SDC3: variants seen among roughly 807,000 people sequenced by gnomAD.
The protein encoded by SDC3 is syndecan-3.
A neutral mutation model predicts 24.4 loss-of-function variants in SDC3; 13 were observed. The observed-to-expected ratio is 0.53, with a 90% CI of 0.35 to 0.85. SDC3 has a LOEUF of 0.85. Ranked by LOEUF, SDC3 falls within the 40% of genes least tolerant of loss-of-function variation. The probability of loss-of-function intolerance (pLI) is 0.01; values close to 1 mark genes in which losing one functional copy is unlikely to be tolerated. For synonymous variants in SDC3, 295 were observed against 260.9 expected, an observed-to-expected ratio of 1.13 and a Z score of -1.26; for missense variants, 571 against 584.5, an observed-to-expected ratio of 0.98 and a Z score of 0.24.
chr1:30,899,650 G>A lies in SDC3; in HGVS notation c.138+8799C>T, dbSNP rs142132714. On this transcript the variant is annotated intron_variant, in intron 1 of 4. Transcript: ENST00000339394. ...CTCCCAAAGTGCTGGGATTACAGGC[G>A]TGAGCTACCTCGCCCAGCCAAAATC... Among the ~76,000 whole-genome samples the A allele has an allele frequency of 1.6e-3, 248 of 152,304 alleles. 1 individual carries two copies. Among genetic ancestry groups the A allele is most frequent in the African/African-American group, 5.6e-3 (234 of 41,558 alleles).
intron 1 of SDC3, among the ~76,000 whole-genome samples, chr1:30,886,181 T>C (rs1639824990): frequency 6.6e-6 from 1 of 151,814 alleles, no homozygotes; most frequent in Admixed American, 6.6e-5. Flanking sequence ...TTCAGGCCTG[T>C]TCCTGCTTCC....
intron 1 of SDC3, among the ~76,000 whole-genome samples, chr1:30,891,405 C>T (rs1331158489): frequency 6.6e-6 from 1 of 152,356 alleles, no homozygotes; most frequent in South Asian, 2.1e-4. Context: ...TGGCAGAGGC[C>T]TGTCTGTCCT....
chr1:30,897,821 A>T (rs1257267891), intron 1 of SDC3, among the ~76,000 whole-genome samples: 2 of 152,156 alleles, frequency 1.3e-5, no homozygotes, highest in African/African-American at 4.8e-5. Context: ...TTACAATGGC[A>T]TCTCCCTCAT....
At chr1:30,903,482 T>TTA (rs1638454719) in intron 1 of SDC3, among the ~76,000 whole-genome samples, 1 of 152,016 alleles carries the variant, frequency 6.6e-6, no homozygotes, top group South Asian at 2.1e-4. Context: ...CCTTCGCAGT[T>TTA]TATAAAGCTC....
chr1:30,883,833 A>C (rs892602793), intron 1 of SDC3, among the ~76,000 whole-genome samples: 1 of 152,114 alleles, frequency 6.6e-6, no homozygotes, highest in African/African-American at 2.4e-5. Flanking sequence ...AAAGACACAC[A>C]GCGACGTAAC....
intron 1 of SDC3, among the ~76,000 whole-genome samples, chr1:30,882,552 C>T (rs1639761606): frequency 6.6e-6 from 1 of 152,102 alleles, no homozygotes; most frequent in Non-Finnish European, 1.5e-5. Context: ...CCAGCCCCCT[C>T]CCTCCCAGGA....
intron 2 of SDC3, chr1:30,878,355 A>G (rs1639683832): frequency 2.7e-6 from 1 of 366,218 alleles, no homozygotes; most frequent in Non-Finnish European, 5.1e-6. Flanking sequence ...TCTGCAGAGA[A>G]AGCCACATAG....
chr1:30,908,987 G>A (rs985760638), upstream of SDC3, among the ~76,000 whole-genome samples: 1 of 151,910 alleles, frequency 6.6e-6, no homozygotes, highest in Non-Finnish European at 1.5e-5. Context: ...CCGATCCCGG[G>A]GCTGGAGGTC....
intron 1 of SDC3, among the ~76,000 whole-genome samples, chr1:30,900,022 T>A (rs544773525): frequency 2.0e-5 from 3 of 152,244 alleles, no homozygotes; most frequent in Non-Finnish European, 2.9e-5. Context: ...GAGTTTCTTA[T>A]GTCTTCCTTT....
At chr1:30,903,853 C>A in intron 1 of SDC3, among the ~76,000 whole-genome samples, 1 of 152,148 alleles carries the variant, frequency 6.6e-6, no homozygotes, top group African/African-American at 2.4e-5. Context: ...CTGGCTCATA[C>A]TAGCTCTGCC....
At chr1:30,893,015 G>A (rs886947902) in intron 1 of SDC3, among the ~76,000 whole-genome samples, 1 of 152,162 alleles carries the variant, frequency 6.6e-6, no homozygotes, top group Non-Finnish European at 1.5e-5. Context: ...CCAGGGAAAG[G>A]CCAGCCCAAC....
intron 1 of SDC3, among the ~76,000 whole-genome samples, chr1:30,883,290 C>T (rs1639772928): frequency 6.6e-6 from 1 of 152,176 alleles, no homozygotes; most frequent in Non-Finnish European, 1.5e-5. Flanking sequence ...AGCCCGGCAC[C>T]CCTGTGCAGC....
At chr1:30,901,046 C>G (rs746498151) in intron 1 of SDC3, among the ~76,000 whole-genome samples, 9 of 152,166 alleles carry the variant, frequency 5.9e-5, no homozygotes, top group Non-Finnish European at 1.3e-4. Flanking sequence ...TCAGATGGGG[C>G]TCCAGGGTAG....
At chr1:30,878,547 CG>C in intron 2 of SDC3, 75 bp downstream of exon 2, 1 of 1,218,204 alleles carries the variant, frequency 8.2e-7, no homozygotes, top group Non-Finnish European at 1.2e-6. Flanking sequence ...GCAAGCCCCC[CG>C]TGGGCTTCTC....
intron 1 of SDC3, among the ~76,000 whole-genome samples, chr1:30,887,858 G>A (rs1382093059): frequency 4.6e-5 from 7 of 152,182 alleles, no homozygotes; most frequent in Admixed American, 1.3e-4. Flanking sequence ...GGCAGGCCCT[G>A]CTCTTCTCTG....
rs1243875959 is a variant in SDC3, at chr1:30,871,821, A to G, written c.*1390T>C. The G allele has an allele frequency of 1.3e-5, 2 of 152,314 alleles. No homozygotes were observed. The highest frequency in any genetic ancestry group is 1.3e-4 in the Admixed American group (2 of 15,290). The allele number at this position is 152,314 out of a possible 1,614,324, so 9.4% of individuals were successfully genotyped here. ...GTCCTGGGAGACCCAAGACCCCCCA[A>G]CAACCTGGGGCCAAATTTCCTTCCT... is the stretch of plus-strand genomic sequence containing the variant. On this transcript the variant is annotated 3_prime_UTR_variant, in exon 5 of 5. Transcript: ENST00000339394.
In SDC3 at chr1:30,874,423, G is replaced by A; in HGVS notation, c.1036C>T (p.Pro346Ser). The change falls in exon 4 of 5, where the codon CCA becomes TCA. Residue 346 changes from proline (P) to serine (S), a missense_variant. Physicochemically the swap from Pro to Ser is moderately conservative, Grantham distance 74. Transcript: ENST00000339394. ...VGGAAAKASS[P>S]PGTLPKGARP... ...GCACCCTTGGGCAGTGTCCCAGGTG[G>A]AGATGATGCCTTGGCCGCAGCCCCT... The A allele has an allele frequency of 6.2e-7, 1 of 1,614,222 alleles. No homozygotes were observed. Among genetic ancestry groups the A allele is most frequent in the Non-Finnish European group, 8.5e-7 (1 of 1,180,030 alleles).
At chr1:30,899,763 G>A (rs1638374518) in intron 1 of SDC3, among the ~76,000 whole-genome samples, 2 of 151,924 alleles carry the variant, frequency 1.3e-5, no homozygotes, top group South Asian at 2.1e-4. Context: ...TTCCCCCCTC[G>A]AGACCTCACA....
intron 1 of SDC3, among the ~76,000 whole-genome samples, chr1:30,887,142 C>T (rs543974094): frequency 1.3e-5 from 2 of 152,086 alleles, no homozygotes; most frequent in African/African-American, 4.8e-5. Flanking sequence ...GAGGACAAGG[C>T]GCACTCACAC....
Sources: allele counts gnomAD v4.1 joint callset (sites outside exome capture counted in the v4.1 genomes callset), GRCh38; gene constraint gnomAD v4.1.1; transcripts MANE v1.5; gene names NCBI Gene and HGNC (gene_info 2026-07-23, HGNC 2026-07-21).